JMJD1C: variants seen among roughly 807,000 people sequenced by gnomAD.
JMJD1C encodes jumonji domain containing 1C.
A neutral mutation model predicts 245.3 loss-of-function variants in JMJD1C; 31 were observed. The ratio of observed to expected loss-of-function variants is 0.13; its 90% CI spans 0.09 to 0.17. The LOEUF (loss-of-function observed/expected upper bound fraction) is 0.17. Ranked by LOEUF, JMJD1C falls within the 10% of genes least tolerant of loss-of-function variation. The pLI is 1.00. For synonymous variants in JMJD1C, 1,057 were observed against 1,017.4 expected (o/e 1.04, Z -0.74); for missense variants, 2,691 against 3,000.2 (o/e 0.90, Z 2.41).
At chr10:63,287,993 C>G (rs1405839850) in intron 2 of JMJD1C, among the ~76,000 whole-genome samples, 1 of 152,130 alleles carries the variant, frequency 6.6e-6, no homozygotes, top group Non-Finnish European at 1.5e-5. Context: ...GATCCACCAG[C>G]CTCAGCCTCC....
intron 1 of JMJD1C, among the ~76,000 whole-genome samples, chr10:63,500,734 TGGATGGATGGAA>T (rs990237850): frequency 1.1e-3 from 149 of 131,456 alleles, no homozygotes; most frequent in Admixed American, 2.0e-3. Flanking sequence ...GATGGATGGA[TGGATGGATGGAA>T]GGATGGATGG....
intron 2 of JMJD1C, among the ~76,000 whole-genome samples, chr10:63,367,794 T>C (rs1333451973): frequency 6.6e-6 from 1 of 152,158 alleles, no homozygotes; most frequent in Non-Finnish European, 1.5e-5. Flanking sequence ...TAACAGGAGC[T>C]ACAGTTATAC....
intron 1 of JMJD1C, among the ~76,000 whole-genome samples, chr10:63,389,311 CAAAA>C (rs1185397734): frequency 1.5e-5 from 1 of 64,630 alleles, no homozygotes; most frequent in Non-Finnish European, 2.8e-5. Flanking sequence ...GACCCTGTCT[CAAAA>C]AAAAAAAAAA....
chr10:63,289,593 T>C (rs1858401152), intron 2 of JMJD1C, among the ~76,000 whole-genome samples: 1 of 152,232 alleles, frequency 6.6e-6, no homozygotes, highest in African/African-American at 2.4e-5. Flanking sequence ...ACTTGATTGT[T>C]TGCATGTAGT....
At chr10:63,390,360 C>T (rs530656619) in intron 1 of JMJD1C, among the ~76,000 whole-genome samples, 1 of 152,020 alleles carries the variant, frequency 6.6e-6, no homozygotes, top group African/African-American at 2.4e-5. Flanking sequence ...AAACTAATAA[C>T]AAGTAATGAG....
intron 2 of JMJD1C, chr10:63,301,948 A>G (rs1860143970): frequency 1.1e-5 from 3 of 272,594 alleles, no homozygotes; most frequent in Non-Finnish European, 2.2e-5. Flanking sequence ...GAGTACATAC[A>G]GAACTACTTC....
intron 1 of JMJD1C, among the ~76,000 whole-genome samples, chr10:63,406,875 AGG>A (rs1949202468): frequency 6.6e-6 from 1 of 152,214 alleles, no homozygotes; most frequent in African/African-American, 2.4e-5. Context: ...AAATGAATGT[AGG>A]ACTCAAAGAA....
intron 2 of JMJD1C, among the ~76,000 whole-genome samples, chr10:63,357,130 TTCCAGTGATTCTCCTGCCTCAGCC>T (rs1944914321): frequency 6.6e-6 from 1 of 151,822 alleles, no homozygotes; most frequent in Non-Finnish European, 1.5e-5. Flanking sequence ...GCCTCCTGGG[TTCCAGTGATTCTCCTGCCTCAGCC>T]TCCCCAGTAG....
intron 3 of JMJD1C, among the ~76,000 whole-genome samples, chr10:63,262,939 C>G (rs1343492903): frequency 6.6e-6 from 1 of 152,062 alleles, no homozygotes; most frequent in Non-Finnish European, 1.5e-5. Flanking sequence ...ATAACGATTT[C>G]ACTTCTCTAA....
At chr10:63,218,281 C>A (rs1848216794) in intron 4 of JMJD1C, among the ~76,000 whole-genome samples, 1 of 152,028 alleles carries the variant, frequency 6.6e-6, no homozygotes, top group South Asian at 2.1e-4. Flanking sequence ...ACAGTTGTAA[C>A]AGATTCAACA....
chr10:63,222,451 T>G, intron 3 of JMJD1C: 1 of 954,208 alleles, frequency 1.0e-6, no homozygotes, highest in Non-Finnish European at 1.7e-6. Flanking sequence ...TGCTAAATCT[T>G]GATGAAAACA....
Position 63,496,337 on chromosome 10 carries a change from T to C in JMJD1C, n.113+25401A>G, listed in dbSNP as rs181896051. 6.6e-5 allele frequency among the ~76,000 whole-genome samples: 10 copies of C among 152,232 alleles called. No individual in the cohort carries two copies. The East Asian group carries it at 1.9e-3, about 29-fold the overall frequency. On this transcript the variant is annotated intron_variant and non_coding_transcript_variant, in intron 1 of 3. Transcript: ENST00000633035. ...GCATACTATGCAGACTTTATTTTGA[T>C]CTCAACTTGAACTATTTTTAAAAAG...
At chr10:63,380,278 A>C (rs376711208) in intron 2 of JMJD1C, 40 bp downstream of exon 2, 38 of 1,605,088 alleles carry the variant, frequency 2.4e-5, no homozygotes, top group Non-Finnish European at 3.2e-5. Context: ...GTTTTAAACG[A>C]ACAAATGAAA....
At chr10:63,203,257 C>T (rs1459461882) in intron 10 of JMJD1C, 1 of 975,654 alleles carries the variant, frequency 1.0e-6, no homozygotes, top group African/African-American at 1.8e-5. Context: ...CCTTCAATTC[C>T]ATATATATAT....
intron 1 of JMJD1C, among the ~76,000 whole-genome samples, chr10:63,474,095 AAAT>A (rs944593808): frequency 1.3e-4 from 19 of 148,870 alleles, no homozygotes; most frequent in East Asian, 8.1e-4. Flanking sequence ...ACACTAAAAA[AAAT>A]AATAATAATA....
chr10:63,313,619 T>C (rs1325098414), intron 2 of JMJD1C, among the ~76,000 whole-genome samples: 2 of 152,250 alleles, frequency 1.3e-5, no homozygotes, highest in African/African-American at 4.8e-5. Context: ...TTTTTGACTT[T>C]TTAATAATAG....
rs183386564 is a variant in JMJD1C, at chr10:63,409,591, A to G, written c.169-29109T>C. Among the ~76,000 whole-genome samples, 4 of 152,314 alleles carry G rather than the reference A, an allele frequency of 2.6e-5. No homozygotes were observed. The East Asian group carries it at 7.7e-4, about 29-fold the overall frequency. ...TCAATTCTGCAGACATCTCTGGGTC[A>G]GTGGAAGAATGACTATTCTTGTCTC... On this transcript the variant is annotated intron_variant, in intron 1 of 25. Coordinates refer to ENST00000399262, the MANE Select transcript of JMJD1C (RefSeq NM_032776.3).
intron 3 of JMJD1C, among the ~76,000 whole-genome samples, chr10:63,239,085 T>C (rs1428998375): frequency 6.6e-6 from 1 of 152,126 alleles, no homozygotes; most frequent in East Asian, 1.9e-4. Flanking sequence ...TCAAGAAAAG[T>C]ATGAAACCAA....
intron 2 of JMJD1C, among the ~76,000 whole-genome samples, chr10:63,279,696 T>C (rs1458325216): frequency 4.6e-5 from 7 of 152,194 alleles, no homozygotes; most frequent in Admixed American, 3.9e-4. Context: ...GTTAAGACTG[T>C]AGTGAGCCAT....
Sources: allele counts gnomAD v4.1 joint callset (sites outside exome capture counted in the v4.1 genomes callset), GRCh38; gene constraint gnomAD v4.1.1; transcripts MANE v1.5; gene names NCBI Gene and HGNC (gene_info 2026-07-23, HGNC 2026-07-21).